The following GPC6 variants were observed in gnomAD, a reference collection of about 807,000 sequenced individuals.
The protein encoded by GPC6 is glypican-6.
A neutral mutation model predicts 55.2 loss-of-function variants in GPC6; 14 were observed. The observed-to-expected ratio is 0.25, with a 90% CI of 0.17 to 0.40. GPC6 has a LOEUF of 0.40. Ranked by LOEUF, GPC6 falls within the 10% of genes least tolerant of loss-of-function variation. GPC6 has a pLI of 1.00. For synonymous variants in GPC6, 278 were observed against 259.6 expected (o/e 1.07, Z -0.68); for missense variants, 641 against 708.5 (o/e 0.90, Z 1.08).
chr13:93,551,318 A>C (rs920460706), intron 2 of GPC6, among the ~76,000 whole-genome samples: 1 of 152,180 alleles, frequency 6.6e-6, no homozygotes, highest in African/African-American at 2.4e-5. Flanking sequence ...CAAAAAAAAA[A>C]AAACACAATT....
At chr13:94,341,027 AT>A (rs1221968064) in intron 6 of GPC6, among the ~76,000 whole-genome samples, 3 of 152,230 alleles carry the variant, frequency 2.0e-5, no homozygotes, top group Admixed American at 1.3e-4. Flanking sequence ...CTTCTTAGGT[AT>A]TAATTTGTAA....
intron 1 of GPC6, among the ~76,000 whole-genome samples, chr13:93,367,133 A>C (rs1201396152): frequency 1.3e-5 from 2 of 152,124 alleles, no homozygotes; most frequent in Non-Finnish European, 2.9e-5. Context: ...CAGTACCAGA[A>C]GTTAGGTGAA....
intron 4 of GPC6, among the ~76,000 whole-genome samples, chr13:94,242,610 G>A (rs1254076744): frequency 2.0e-5 from 3 of 152,076 alleles, no homozygotes; most frequent in African/African-American, 7.2e-5. Context: ...CAGCCTTAAT[G>A]TGATGCACAC....
intron 2 of GPC6, among the ~76,000 whole-genome samples, chr13:93,703,615 A>G (rs1036336151): frequency 2.0e-4 from 30 of 151,996 alleles, no homozygotes; most frequent in African/African-American, 7.0e-4. Flanking sequence ...GAGTTAATTA[A>G]ATCAAAAGAT....
intron 4 of GPC6, among the ~76,000 whole-genome samples, chr13:94,049,214 A>G (rs1566335890): frequency 6.6e-6 from 1 of 150,604 alleles, no homozygotes; most frequent in South Asian, 2.1e-4. Context: ...GCATCACTGC[A>G]CTGCAGCCTA....
At chr13:93,403,883 T>C (rs1035191156) in intron 1 of GPC6, among the ~76,000 whole-genome samples, 10 of 152,166 alleles carry the variant, frequency 6.6e-5, no homozygotes, top group Admixed American at 2.0e-4. Flanking sequence ...AAAAATTCAT[T>C]TTATTAGATA....
chr13:93,446,112 A>G (rs1877985775), intron 1 of GPC6, among the ~76,000 whole-genome samples: 2 of 152,200 alleles, frequency 1.3e-5, no homozygotes, highest in South Asian at 4.1e-4. Flanking sequence ...CTACTTGTTC[A>G]CTTTTTAAAA....
chr13:93,520,208 A>G (rs1354845067), intron 1 of GPC6, among the ~76,000 whole-genome samples: 1 of 151,964 alleles, frequency 6.6e-6, no homozygotes, highest in African/African-American at 2.4e-5. Context: ...TGGAAAGTGC[A>G]GCTGATATAT....
chr13:93,675,941 GGTC>G (rs1881569561), intron 2 of GPC6, among the ~76,000 whole-genome samples: 1 of 151,414 alleles, frequency 6.6e-6, no homozygotes, highest in Non-Finnish European at 1.5e-5. Flanking sequence ...TACCAAAGCA[GGTC>G]AAAGTAATGA....
chr13:94,385,632 C>CTTT (rs56225222), intron 7 of GPC6, among the ~76,000 whole-genome samples: 1 of 151,706 alleles, frequency 6.6e-6, no homozygotes, highest in East Asian at 1.9e-4. Context: ...TCCTTTAGTT[C>CTTT]TTTTTTTTAA....
chr13:94,200,121 A>T (rs962546003), intron 4 of GPC6, among the ~76,000 whole-genome samples: 2 of 148,796 alleles, frequency 1.3e-5, no homozygotes, highest in East Asian at 4.0e-4. Context: ...GCACCATTAC[A>T]CTCCAGCCTG....
At chr13:93,524,154 C>T (rs1249161990) in intron 1 of GPC6, among the ~76,000 whole-genome samples, 1 of 151,824 alleles carries the variant, frequency 6.6e-6, no homozygotes, top group African/African-American at 2.4e-5. Context: ...ACAAAAATAC[C>T]CAACTCTTTC....
At chr13:93,516,966 C>G (rs1373405930) in intron 1 of GPC6, among the ~76,000 whole-genome samples, 1 of 152,092 alleles carries the variant, frequency 6.6e-6, no homozygotes, top group African/African-American at 2.4e-5. Context: ...TACAAAGAGA[C>G]TTTGAATACA....
intron 4 of GPC6, among the ~76,000 whole-genome samples, chr13:94,091,491 G>A (rs1885477953): frequency 6.6e-6 from 1 of 152,082 alleles, no homozygotes; most frequent in Non-Finnish European, 1.5e-5. Context: ...TTATAACAAA[G>A]ATAATATGTT....
intron 2 of GPC6, among the ~76,000 whole-genome samples, chr13:93,734,540 A>T (rs1192479057): frequency 6.6e-6 from 1 of 152,202 alleles, no homozygotes; most frequent in African/African-American, 2.4e-5. Context: ...ATTTGGGAGT[A>T]AGAATTTCAT....
intron 4 of GPC6, among the ~76,000 whole-genome samples, chr13:94,185,580 C>A (rs925783927): frequency 2.0e-5 from 3 of 151,796 alleles, no homozygotes; most frequent in African/African-American, 7.3e-5. Flanking sequence ...CAATTTACCT[C>A]ATTGAAAAAC....
At chr13:93,284,195 A>G (rs773546493) in intron 1 of GPC6, among the ~76,000 whole-genome samples, 3 of 152,212 alleles carry the variant, frequency 2.0e-5, no homozygotes, top group Non-Finnish European at 4.4e-5. Context: ...GTGCAAGAAA[A>G]TAACAGGGGC....
intron 1 of GPC6, among the ~76,000 whole-genome samples, chr13:93,315,445 GC>G (rs1326951155): frequency 6.6e-6 from 1 of 151,646 alleles, no homozygotes; most frequent in Non-Finnish European, 1.5e-5. Flanking sequence ...TATTTATTTT[GC>G]TTTTTAAATC....
At chr13:93,886,749 A>AT (rs34726181) in intron 3 of GPC6, among the ~76,000 whole-genome samples, 72,679 of 134,986 alleles carry the variant, frequency 0.54, 18,686 homozygotes, top group African/African-American at 0.58. Flanking sequence ...AGCATCTGTC[A>AT]TTTTTTTTTT....
Sources: allele counts gnomAD v4.1 joint callset (sites outside exome capture counted in the v4.1 genomes callset), GRCh38; gene constraint gnomAD v4.1.1; transcripts MANE v1.5; gene names NCBI Gene and HGNC (gene_info 2026-07-23, HGNC 2026-07-21).